The following POU4F3 variants were observed in gnomAD, a reference collection of about 807,000 sequenced individuals.
POU4F3 encodes POU domain, class 4, transcription factor 3.
POU4F3 carries 7 observed loss-of-function variants against 22.0 expected under a neutral mutation model. That is an observed-to-expected ratio of 0.32 (90% confidence interval 0.18 to 0.60). The LOEUF (loss-of-function observed/expected upper bound fraction) is 0.60, where lower values mean the gene tolerates loss of function less well. POU4F3 is among the 20% of genes least tolerant of loss of function. The pLI, the probability that POU4F3 is intolerant of heterozygous loss-of-function variation, is 0.85. For missense variants in POU4F3, 457 were observed against 467.4 expected, an observed-to-expected ratio of 0.98 and a Z score of 0.21; for synonymous variants, 220 against 194.5, an observed-to-expected ratio of 1.13 and a Z score of -1.09.
Position 146,339,749 on chromosome 5 carries a change from C to T in POU4F3, c.322C>T (p.His108Tyr). The change falls in exon 2 of 2, where the codon CAC (histidine) becomes TAC (tyrosine). Residue 108 changes from histidine to tyrosine, a missense_variant. By Grantham distance (83) the His-to-Tyr change is moderately conservative. Coordinates refer to ENST00000646991, the MANE Select transcript of POU4F3 (RefSeq NM_002700.3). This position sits in a 1 kb window ranked among gnomAD's most constrained non-coding sequence, Gnocchi z 4.7. ...SHPAALTSHPHHAVHQGLEGD... is the reference protein window; with the variant it reads ...SHPAALTSHPYHAVHQGLEGD... ...CCCAGCTGCGCTCACCTCACACCCT[C>T]ACCACGCCGTGCACCAGGGCCTCGA... 1.2e-6 allele frequency: 2 copies of T among 1,613,912 alleles called. No individual in the cohort carries two copies. The highest frequency in any genetic ancestry group is 1.7e-6 in the Non-Finnish European group (2 of 1,180,028).
In POU4F3 at chr5:146,340,589, C is replaced by A; in HGVS notation, c.*145C>A. ...AGCCACAGACTTTCCCCCTTTGTCC[C>A]GCCTGGTTGCCTCCGGCCTTCTCTC... On this transcript the variant is annotated 3_prime_UTR_variant, in exon 2 of 2. Transcript: ENST00000646991. The A allele has an allele frequency of 1.8e-6, 2 of 1,136,364 alleles. No homozygotes were observed. The highest frequency in any genetic ancestry group is 2.5e-6 in the Non-Finnish European group (2 of 790,374). 70.4% of individuals were successfully genotyped at this position (1,136,364 alleles called of 1,614,324 possible).
chr5:146,340,120 C>T lies in POU4F3; in HGVS notation c.693C>T (p.Phe231=). The change falls in exon 2 of 2, where the codon TTC becomes TTT. Residue 231 remains phenylalanine, a synonymous_variant. Coordinates refer to ENST00000646991, the MANE Select transcript of POU4F3 (RefSeq NM_002700.3). The stretch of plus-strand genomic sequence containing the variant: ...TGAGCCAAAGCACCATCTGCAGGTT[C>T]GAGTCTCTCACTCTCTCGCACAACA... ...GSLSQSTICR[F]ESLTLSHNNM... 1 of 1,614,172 alleles carries T rather than the reference C, an allele frequency of 6.2e-7. No individual in the cohort carries two copies. Among genetic ancestry groups the T allele is most frequent in the Non-Finnish European group, 8.5e-7 (1 of 1,180,040 alleles).
chr5:146,340,481 T>C lies in POU4F3; in HGVS notation c.*37T>C, dbSNP rs532158445. 1 of 1,611,836 alleles carries C rather than the reference T, an allele frequency of 6.2e-7. No individual in the cohort carries two copies. The highest frequency in any genetic ancestry group is 1.3e-5 in the African/African-American group (1 of 74,878). The stretch of plus-strand genomic sequence containing the variant: ...CGCAGCGTCGGGAGCCGGGAGAGCC[T>C]AGTGCTCATCCCTCCCGGGTTCGGG... On this transcript the variant is annotated 3_prime_UTR_variant, in exon 2 of 2. Transcript: ENST00000646991.
chr5:146,341,247 G>A lies in POU4F3; in HGVS notation c.*803G>A, dbSNP rs1760452324. On this transcript the variant is annotated 3_prime_UTR_variant, in exon 2 of 2. Transcript: ENST00000646991. The stretch of plus-strand genomic sequence containing the variant: ...AATTACTGCTTGCTGGAGAGCGGGA[G>A]TTTGTAGTATTCATAACCGTTGAGG... 6.6e-6 allele frequency: 1 copy of A among 152,236 alleles called. No homozygotes were observed. The highest frequency in any genetic ancestry group is 2.4e-5 in the African/African-American group (1 of 41,414). The allele number at this position is 152,236 out of a possible 1,614,324, so 9.4% of individuals were successfully genotyped here.
rs1049267006 is a variant in POU4F3 at position 146,338,892 on chromosome 5, C to T, written c.-221C>T. 1.8e-5 allele frequency: 13 copies of T among 725,128 alleles called. No homozygotes were observed. In the African/African-American group the frequency reaches 2.1e-4, roughly 12 times the overall value. The allele number at this position is 725,128 out of a possible 1,614,324, so 44.9% of individuals were successfully genotyped here. A position where few individuals can be genotyped will look rare whatever the true frequency, so the allele number is the denominator to read the frequency against. Reference sequence around the variant, plus strand: ...TGTCTCTCCTCACCTCCCGGGCCGCCCCTGCGAGTCCCCGGCGCGTGAGCA... The same window carrying T: ...TGTCTCTCCTCACCTCCCGGGCCGCTCCTGCGAGTCCCCGGCGCGTGAGCA... On this transcript the variant is annotated 5_prime_UTR_variant, in exon 1 of 2. Transcript: ENST00000646991.
rs1427065168 is a variant in POU4F3, at chr5:146,339,203, A to T, written c.91A>T (p.Met31Leu). Residue 31 changes from methionine to leucine, a missense_variant, in exon 1 of 2, where the codon ATG (methionine) becomes TTG (leucine). By Grantham distance (15) the Met-to-Leu change is conservative. Transcript: ENST00000646991. The surrounding 1 kb of genome is among the most constrained non-coding windows in gnomAD (Gnocchi z 4.7). ...FSSLHSGSEAMRRVCLPAPQL... is the reference protein window; with the variant it reads ...FSSLHSGSEALRRVCLPAPQL... ...CAGTCTGCACTCTGGCTCCGAGGCC[A>T]TGCGCCGAGTCTGTCTCCCAGCCCC... 6.2e-7 allele frequency: 1 copy of T among 1,614,226 alleles called. No individual in the cohort carries two copies. Among genetic ancestry groups the T allele is most frequent in the South Asian group, 1.1e-5 (1 of 91,090 alleles).
At position 146,339,769 on chromosome 5, in the gene POU4F3, C is replaced by A; in HGVS notation, c.342C>A (p.Gly114=). Residue 114 remains glycine (G), a synonymous_variant, in exon 2 of 2, where the codon GGC becomes GGA. Transcript: ENST00000646991. This position sits in a 1 kb window ranked among gnomAD's most constrained non-coding sequence, Gnocchi z 4.7. ...ACCCTCACCACGCCGTGCACCAGGGCCTCGAAGGCGACCTGCTGGAGCACA... is the reference window on the plus strand; with the variant it reads ...ACCCTCACCACGCCGTGCACCAGGGACTCGAAGGCGACCTGCTGGAGCACA... ...TSHPHHAVHQ[G]LEGDLLEHIS... The A allele has an allele frequency of 1.8e-5, 29 of 1,613,240 alleles. No individual in the cohort carries two copies. Among genetic ancestry groups the A allele is most frequent in the Non-Finnish European group, 2.4e-5 (28 of 1,179,990 alleles).
At position 146,340,088 on chromosome 5, in the gene POU4F3, G is replaced by A. The variant is rs765951677; in HGVS notation, c.661G>A (p.Gly221Ser). 2.5e-6 allele frequency: 4 copies of A among 1,614,188 alleles called. No homozygotes were observed. Among genetic ancestry groups the A allele is most frequent in the Non-Finnish European group, 2.5e-6 (3 of 1,180,036 alleles). The change falls in exon 2 of 2, where the codon GGC (glycine) becomes AGC (serine). Residue 221 changes from glycine (G) to serine (S), a missense_variant. Physicochemically the swap from Gly to Ser is moderately conservative, Grantham distance 56. Transcript: ENST00000646991. ...ALANLKIPGV[G>S]SLSQSTICRF... ...GGCTAATCTCAAGATCCCCGGCGTG[G>A]GCTCGCTGAGCCAAAGCACCATCTG... is the stretch of plus-strand genomic sequence containing the variant.
Position 146,338,992 on chromosome 5 carries a change from G to T in POU4F3, c.-121G>T. ...GAAGAAGCAGGTGGGGGAGAGGGGA[G>T]GCAGCGAGCGAGAGGGCGAGGGGAG... On this transcript the variant is annotated 5_prime_UTR_variant, in exon 1 of 2. The change creates a new upstream start codon in the 5' untranslated region. Transcript: ENST00000646991. 3.5e-6 allele frequency: 5 copies of T among 1,430,562 alleles called. No homozygotes were observed. The highest frequency in any genetic ancestry group is 4.8e-6 in the Non-Finnish European group (5 of 1,040,786). 88.6% of individuals were successfully genotyped at this position (1,430,562 alleles called of 1,614,324 possible). A position where few individuals can be genotyped will look rare whatever the true frequency, so the allele number is the denominator to read the frequency against.
chr5:146,339,797 T>C lies in POU4F3; in HGVS notation c.370T>C (p.Ser124Pro). The C allele has an allele frequency of 6.2e-7, 1 of 1,611,470 alleles. No homozygotes were observed. The highest frequency in any genetic ancestry group is 8.5e-7 in the Non-Finnish European group (1 of 1,179,912). ...CGAAGGCGACCTGCTGGAGCACATC[T>C]CGCCCACGCTGAGTGTGAGCGGCCT... The part of the protein sequence containing the change: ...GLEGDLLEHI[S>P]PTLSVSGLGA... The change falls in exon 2 of 2, where the codon TCG becomes CCG. Residue 124 changes from serine (S) to proline (P), a missense_variant. Coordinates refer to ENST00000646991, the MANE Select transcript of POU4F3 (RefSeq NM_002700.3). This position sits in a 1 kb window ranked among gnomAD's most constrained non-coding sequence, Gnocchi z 4.7.
Position 146,339,023 on chromosome 5 carries a change from G to A in POU4F3, c.-90G>A. ...GAGCGAGAGGGCGAGGGGAGCGCGG[G>A]CGCTGAGCAGCGCTCACTTGGAGAG... On this transcript the variant is annotated 5_prime_UTR_variant, in exon 1 of 2. Coordinates refer to ENST00000646991, the MANE Select transcript of POU4F3 (RefSeq NM_002700.3). This position sits in a 1 kb window ranked among gnomAD's most constrained non-coding sequence, Gnocchi z 4.7. 6.4e-7 allele frequency: 1 copy of A among 1,567,334 alleles called. No individual in the cohort carries two copies. The highest frequency in any genetic ancestry group is 8.7e-7 in the Non-Finnish European group (1 of 1,152,618).
rs764285638 is a variant in POU4F3 at position 146,339,991 on chromosome 5, A to G, written c.564A>G (p.Glu188=). The change falls in exon 2 of 2, where the codon GAA becomes GAG. Residue 188 remains glutamate (E), a synonymous_variant. Coordinates refer to ENST00000646991, the MANE Select transcript of POU4F3 (RefSeq NM_002700.3). The surrounding 1 kb of genome is among the most constrained non-coding windows in gnomAD (Gnocchi z 4.7). ...SDVESDPREL[E]AFAERFKQRR... ...TGGAGTCAGACCCGCGCGAGCTGGA[A>G]GCCTTCGCCGAGCGCTTCAAGCAGC... The G allele has an allele frequency of 3.3e-5, 54 of 1,613,020 alleles. No homozygotes were observed. Among genetic ancestry groups the G allele is most frequent in the Non-Finnish European group, 4.3e-5 (51 of 1,179,972 alleles).
rs992980072 is a variant in POU4F3 at position 146,340,622 on chromosome 5, T to C, written c.*178T>C. ...TGCCTCCGGCCTTCTCTCTCTTTCC[T>C]TTCTATTCCCACCAAAAAAATTTTG... On this transcript the variant is annotated 3_prime_UTR_variant, in exon 2 of 2. Transcript: ENST00000646991. 1.1e-5 allele frequency: 9 copies of C among 853,786 alleles called. No homozygotes were observed. Among genetic ancestry groups the C allele is most frequent in the Non-Finnish European group, 1.6e-5 (9 of 555,592 alleles). 52.9% of individuals were successfully genotyped at this position (853,786 alleles called of 1,614,324 possible).
rs137882322 is a variant in POU4F3, at chr5:146,340,226, G to C, written c.799G>C (p.Glu267Gln). The change falls in exon 2 of 2, where the codon GAG becomes CAG. Residue 267 changes from glutamate to glutamine, a missense_variant. Around this residue, in one of 2 missense-constraint regions of POU4F3, gnomAD observed 410 missense variants for 385.0 expected, o/e 1.06. Coordinates refer to ENST00000646991, the MANE Select transcript of POU4F3 (RefSeq NM_002700.3). ...CTACCGAGAGAAGAACAGCAAGCCA[G>C]AGCTCTTCAACGGCAGCGAACGGAA... ...AAYREKNSKP[E>Q]LFNGSERKRK... 2.5e-6 allele frequency: 4 copies of C among 1,614,096 alleles called. No homozygotes were observed. The African/African-American group carries it at 4.0e-5, about 16-fold the overall frequency.
At position 146,338,885 on chromosome 5, in the gene POU4F3, G is replaced by C. The variant is rs1012463977; in HGVS notation, c.-228G>C. The C allele has an allele frequency of 4.3e-6, 3 of 694,984 alleles. No homozygotes were observed. The highest frequency in any genetic ancestry group is 1.8e-5 in the South Asian group (1 of 55,296). The allele number at this position is 694,984 out of a possible 1,614,324, so 43.1% of individuals were successfully genotyped here. ...TAGCTGCTGTCTCTCCTCACCTCCC[G>C]GGCCGCCCCTGCGAGTCCCCGGCGC... On this transcript the variant is annotated 5_prime_UTR_variant, in exon 1 of 2. Coordinates refer to ENST00000646991, the MANE Select transcript of POU4F3 (RefSeq NM_002700.3).
Position 146,340,608 on chromosome 5 carries a change from TTC to T in POU4F3, c.*172_*173del, listed in dbSNP as rs1581279193. 1.1e-6 allele frequency: 1 copy of T among 939,958 alleles called. No homozygotes were observed. Among genetic ancestry groups the T allele is most frequent in the East Asian group, 2.6e-5 (1 of 38,032 alleles). The allele number at this position is 939,958 out of a possible 1,614,324, so 58.2% of individuals were successfully genotyped here. Reference sequence around the variant, plus strand: ...TTGTCCCGCCTGGTTGCCTCCGGCCTTCTCTCTCTTTCCTTTCTATTCCCACC... The same window carrying T: ...TTGTCCCGCCTGGTTGCCTCCGGCCTTCTCTCTTTCCTTTCTATTCCCACC... On this transcript the variant is annotated 3_prime_UTR_variant, in exon 2 of 2. Transcript: ENST00000646991.
chr5:146,341,356 GCATTA>G lies in POU4F3; in HGVS notation c.*913_*917del, dbSNP rs1166732692. On this transcript the variant is annotated 3_prime_UTR_variant, in exon 2 of 2. Coordinates refer to ENST00000646991, the MANE Select transcript of POU4F3 (RefSeq NM_002700.3). ...GCTGGAAAACGACTGTAACTTCTCT[GCATTA>G]TATGCAAGTCCTTTCAACACGTCTA... 6.6e-6 allele frequency: 1 copy of G among 152,226 alleles called. No individual in the cohort carries two copies. The allele number at this position is 152,226 out of a possible 1,614,324, so 9.4% of individuals were successfully genotyped here.
In POU4F3 at chr5:146,339,362, C is replaced by A. The variant is rs1268892144; in HGVS notation, c.120+130C>A. The stretch of plus-strand genomic sequence containing the variant: ...TCTCCTTGTCTCCCCCGCGTTCTCT[C>A]CCGGCGCGCTCTCTCTCTCATTCAT... On this transcript the variant is annotated intron_variant, in intron 1 of 1. Coordinates refer to ENST00000646991, the MANE Select transcript of POU4F3 (RefSeq NM_002700.3). The surrounding 1 kb of genome is among the most constrained non-coding windows in gnomAD (Gnocchi z 4.7). 2.0e-6 allele frequency: 3 copies of A among 1,526,248 alleles called. No homozygotes were observed. The highest frequency in any genetic ancestry group is 2.3e-5 in the East Asian group (1 of 44,340). 94.5% of individuals were successfully genotyped at this position (1,526,248 alleles called of 1,614,324 possible).
Position 146,340,500 on chromosome 5 carries a change from G to A in POU4F3, c.*56G>A, listed in dbSNP as rs1760441172. ...AGAGCCTAGTGCTCATCCCTCCCGG[G>A]TTCGGGGGATGGTTATCGGGAACTC... is the stretch of plus-strand genomic sequence containing the variant. On this transcript the variant is annotated 3_prime_UTR_variant, in exon 2 of 2. Coordinates refer to ENST00000646991, the MANE Select transcript of POU4F3 (RefSeq NM_002700.3). The A allele has an allele frequency of 6.2e-7, 1 of 1,606,276 alleles. No individual in the cohort carries two copies.
Sources: allele counts gnomAD v4.1 joint callset, GRCh38; gene constraint gnomAD v4.1.1; regional missense constraint gnomAD v4.1.1; non-coding constraint Gnocchi (gnomAD v3.1); transcripts MANE v1.5; gene names NCBI Gene and HGNC (gene_info 2026-07-23, HGNC 2026-07-21).